The following NRG3 variants were observed in gnomAD, a reference collection of about 807,000 sequenced individuals.
NRG3 encodes neuregulin 3, also known as pro-neuregulin-3, membrane-bound isoform.
A neutral mutation model predicts 66.9 loss-of-function variants in NRG3; 31 were observed. That is an observed-to-expected ratio of 0.46 (90% CI 0.35 to 0.63). The LOEUF is 0.63. NRG3 is among the 20% of genes least tolerant of loss of function. The pLI, the probability that NRG3 is intolerant of heterozygous loss-of-function variation, is 0.00. For missense variants in NRG3, 910 were observed against 878.9 expected, an observed-to-expected ratio of 1.04 and a Z score of -0.45; for synonymous variants, 393 against 359.4, an observed-to-expected ratio of 1.09 and a Z score of -1.06.
At chr10:82,849,116 A>C (rs1291486564) in intron 3 of NRG3, among the ~76,000 whole-genome samples, 1 of 152,176 alleles carries the variant, frequency 6.6e-6, no homozygotes, top group South Asian at 2.1e-4. Context: ...ATGGGCGCTA[A>C]TCGAATATAA....
chr10:82,754,748 A>G (rs1387341897), intron 3 of NRG3, among the ~76,000 whole-genome samples: 1 of 152,032 alleles, frequency 6.6e-6, no homozygotes, highest in Non-Finnish European at 1.5e-5. Context: ...TGATCTTTCT[A>G]TTCTGTGGGG....
chr10:82,658,203 A>G (rs2052027995), intron 2 of NRG3, among the ~76,000 whole-genome samples: 1 of 152,192 alleles, frequency 6.6e-6, no homozygotes, highest in Non-Finnish European at 1.5e-5. Flanking sequence ...ATATTGCATC[A>G]TAATCAAACA....
chr10:82,150,752 A>C (rs916736734), intron 1 of NRG3, among the ~76,000 whole-genome samples: 1 of 152,122 alleles, frequency 6.6e-6, no homozygotes, highest in Non-Finnish European at 1.5e-5. Flanking sequence ...GCTGATGACC[A>C]ATACTATGCC....
At chr10:82,948,570 CAT>C (rs2132331904) in intron 4 of NRG3, among the ~76,000 whole-genome samples, 1 of 152,200 alleles carries the variant, frequency 6.6e-6, no homozygotes, top group African/African-American at 2.4e-5. Context: ...AATCCATAAA[CAT>C]GTTATATCTA....
chr10:82,797,839 A>G (rs925526365), intron 3 of NRG3, among the ~76,000 whole-genome samples: 4 of 152,160 alleles, frequency 2.6e-5, no homozygotes, highest in Admixed American at 1.3e-4. Context: ...CTGAAGTTGC[A>G]TATTTGACCT....
intron 2 of NRG3, among the ~76,000 whole-genome samples, chr10:82,366,337 A>AT (rs2084521420): frequency 2.0e-5 from 3 of 152,218 alleles, no homozygotes; most frequent in Admixed American, 1.3e-4. Context: ...TTGTACCAGT[A>AT]TCATCTGCCT....
intron 2 of NRG3, among the ~76,000 whole-genome samples, chr10:82,552,285 G>T (rs1049998757): frequency 1.3e-5 from 2 of 152,042 alleles, no homozygotes; most frequent in African/African-American, 4.8e-5. Flanking sequence ...ATATTTACCA[G>T]TTTTCAAGAT....
At chr10:81,881,134 T>G (rs1440436946) in intron 1 of NRG3, among the ~76,000 whole-genome samples, 3 of 152,106 alleles carry the variant, frequency 2.0e-5, no homozygotes, top group Non-Finnish European at 4.4e-5. Context: ...ATTTTATAGT[T>G]GAATCATGGC....
intron 2 of NRG3, among the ~76,000 whole-genome samples, chr10:82,465,944 T>C (rs1396119459): frequency 6.6e-6 from 1 of 152,144 alleles, no homozygotes; most frequent in Non-Finnish European, 1.5e-5. Flanking sequence ...TGCTTCTGGA[T>C]CTATCCAGCT....
chr10:82,515,383 A>G (rs1156909373), intron 2 of NRG3, among the ~76,000 whole-genome samples: 6 of 152,226 alleles, frequency 3.9e-5, no homozygotes, highest in Non-Finnish European at 2.9e-5. Flanking sequence ...AGATTACCTC[A>G]CTATACAGAC....
At chr10:82,493,705 A>G (rs1233752599) in intron 2 of NRG3, among the ~76,000 whole-genome samples, 10 of 152,190 alleles carry the variant, frequency 6.6e-5, no homozygotes, top group African/African-American at 2.4e-4. Context: ...TTCATGATGA[A>G]AGTGCCAAAA....
intron 2 of NRG3, among the ~76,000 whole-genome samples, chr10:82,665,835 T>C (rs1043446329): frequency 6.6e-6 from 1 of 152,162 alleles, no homozygotes; most frequent in African/African-American, 2.4e-5. Context: ...GCATCCACTC[T>C]ACTAGCTTTG....
chr10:82,885,278 C>T (rs1208377945), intron 4 of NRG3, among the ~76,000 whole-genome samples: 2 of 152,132 alleles, frequency 1.3e-5, no homozygotes, highest in Admixed American at 6.5e-5. Flanking sequence ...AAGCATGATG[C>T]TCCTGTAGCT....
rs138865960 is a variant in NRG3 at position 82,391,510 on chromosome 10, C to T, written c.953+32642C>T. Among the ~76,000 whole-genome samples, 23 of 152,244 alleles carry T rather than the reference C, an allele frequency of 1.5e-4. No individual in the cohort carries two copies. The East Asian group carries it at 4.3e-3, about 28-fold the overall frequency. ...GTGAAGCTACGTGGCCAAACTAGAG[C>T]CAACGGAACATAAGTGGGAGTGATA... On this transcript the variant is annotated intron_variant, in intron 2 of 8. Coordinates refer to ENST00000372141, the MANE Select transcript of NRG3 (RefSeq NM_001010848.4).
chr10:82,044,571 A>T (rs1288140675), intron 1 of NRG3, among the ~76,000 whole-genome samples: 4 of 151,884 alleles, frequency 2.6e-5, no homozygotes, highest in Non-Finnish European at 4.4e-5. Flanking sequence ...AATTTTTTTT[A>T]ATTTTTATTT....
intron 2 of NRG3, among the ~76,000 whole-genome samples, chr10:82,386,652 T>C (rs1261026214): frequency 6.6e-6 from 1 of 152,192 alleles, no homozygotes; most frequent in African/African-American, 2.4e-5. Flanking sequence ...TACTTTCCTT[T>C]ATACTCGGAA....
At chr10:82,558,714 T>C (rs2044817283) in intron 2 of NRG3, among the ~76,000 whole-genome samples, 1 of 152,190 alleles carries the variant, frequency 6.6e-6, no homozygotes, top group Non-Finnish European at 1.5e-5. Flanking sequence ...AACTGTTAAA[T>C]AAATATAGAG....
chr10:82,700,768 T>C (rs1419079574), intron 2 of NRG3, among the ~76,000 whole-genome samples: 1 of 152,170 alleles, frequency 6.6e-6, no homozygotes, highest in Non-Finnish European at 1.5e-5. Context: ...GCATAAATCG[T>C]AGTTTTAAAC....
intron 3 of NRG3, among the ~76,000 whole-genome samples, chr10:82,801,289 G>A (rs931224171): frequency 1.3e-5 from 2 of 152,200 alleles, no homozygotes; most frequent in African/African-American, 4.8e-5. Context: ...ATCGGGATCA[G>A]TAAGCACTGG....
Sources: allele counts gnomAD v4.1 joint callset (sites outside exome capture counted in the v4.1 genomes callset), GRCh38; gene constraint gnomAD v4.1.1; transcripts MANE v1.5; gene names NCBI Gene and HGNC (gene_info 2026-07-23, HGNC 2026-07-21).